Variants in GNB1L observed in about 807,000 individuals in gnomAD.
GNB1L encodes G protein subunit beta 1 like, also known as guanine nucleotide-binding protein subunit beta-like protein 1.
Under a neutral mutation model 29.1 loss-of-function variants are expected in GNB1L, and 20 were observed. That is an observed-to-expected ratio of 0.69 (90% confidence interval 0.48 to 1.00). The LOEUF is 1.00. GNB1L is among the 50% of genes least tolerant of loss of function. The pLI, the probability that GNB1L is intolerant of heterozygous loss-of-function variation, is 0.00. For synonymous variants in GNB1L, 193 were observed against 206.5 expected (o/e 0.93, Z 0.56); for missense variants, 421 against 464.9 (o/e 0.91, Z 0.87).
intron 2 of GNB1L, among the ~76,000 whole-genome samples, chr22:19,821,700 T>G (rs1355410765): frequency 2.6e-5 from 4 of 152,180 alleles, no homozygotes; most frequent in African/African-American, 9.7e-5. Flanking sequence ...GTGCACCCGC[T>G]TGGGCCCCAC....
At chr22:19,789,645 C>T (rs1435599776) in intron 7 of GNB1L, among the ~76,000 whole-genome samples, 2 of 152,080 alleles carry the variant, frequency 1.3e-5, no homozygotes, top group Non-Finnish European at 2.9e-5. Flanking sequence ...ACAGACAGGT[C>T]CTACGTGCAC....
intron 7 of GNB1L, among the ~76,000 whole-genome samples, chr22:19,796,012 A>G (rs1023073656): frequency 2.6e-5 from 4 of 152,240 alleles, no homozygotes; most frequent in African/African-American, 9.6e-5. Context: ...CTGGCTCCAT[A>G]AGAGATGTGT....
chr22:19,817,086 C>T (rs1003074054), intron 4 of GNB1L, among the ~76,000 whole-genome samples: 3 of 152,200 alleles, frequency 2.0e-5, no homozygotes, highest in Non-Finnish European at 2.9e-5. Context: ...AGAGGTCTCT[C>T]GGACCTCGGT....
chr22:19,812,487 A>G, intron 4 of GNB1L, 40 bp from the exon 5 acceptor site: 1 of 1,576,238 alleles, frequency 6.3e-7, no homozygotes, highest in East Asian at 2.3e-5. Flanking sequence ...ACTCCCCTTG[A>G]CAAGTGTCAG....
intron 2 of GNB1L, among the ~76,000 whole-genome samples, chr22:19,838,884 ATAAC>A (rs1285843107): frequency 3.3e-5 from 5 of 152,366 alleles, no homozygotes; most frequent in African/African-American, 1.2e-4. Context: ...TATAGTAGTT[ATAAC>A]TAACCACCCA....
At position 19,812,408 on chromosome 22, in the gene GNB1L, C is replaced by T. The variant is rs756144775; in HGVS notation, c.294G>A (p.Ala98=). 53 of 1,613,214 alleles carry T rather than the reference C, an allele frequency of 3.3e-5. No individual in the cohort carries two copies. Among genetic ancestry groups the T allele is most frequent in the Middle Eastern group, 1.6e-4 (1 of 6,084 alleles). Residue 98 remains alanine, a synonymous_variant, in exon 5 of 8, where the codon GCG becomes GCA. Transcript: ENST00000329517. ...RDLKLCLWDL[A]EGRSAVVDSV... is the part of the protein sequence containing the mutation. ...AGTCCACGACAGCGCTCCTGCCCTC[C>T]GCGAGGTCCCACAGGCACAGCTTCA...
chr22:19,820,564 G>T, intron 4 of GNB1L, 34 bp downstream of exon 4: 1 of 1,597,486 alleles, frequency 6.3e-7, no homozygotes, highest in Non-Finnish European at 8.5e-7. Context: ...CTCCCCCGAA[G>T]GCCATACCTG....
intron 2 of GNB1L, chr22:19,849,182 C>A (rs11705143): frequency 0.083 from 81,464 of 985,118 alleles, 4,520 homozygotes; most frequent in African/African-American, 0.25. Flanking sequence ...GCTACCAGGG[C>A]TATACCTGCT....
chr22:19,801,653 GTT>G (rs546357448), intron 7 of GNB1L, among the ~76,000 whole-genome samples: 17 of 137,654 alleles, frequency 1.2e-4, no homozygotes, highest in Admixed American at 2.2e-4. Flanking sequence ...TTCCACACTG[GTT>G]TTTTTTTTTT....
intron 7 of GNB1L, among the ~76,000 whole-genome samples, chr22:19,799,816 C>T (rs1297490149): frequency 6.6e-6 from 1 of 152,214 alleles, no homozygotes; most frequent in Non-Finnish European, 1.5e-5. Flanking sequence ...CGAAAGCGCC[C>T]CCACAGGCTT....
rs1937171959 is a variant in GNB1L at position 19,784,344 on chromosome 22, G to A, written c.*4365C>T. On this transcript the variant is annotated 3_prime_UTR_variant, in exon 8 of 8. Transcript: ENST00000329517. Reference sequence around the variant, plus strand: ...GGCGGGTCCTGGGCTGTGCTCCGGAGCCCTTCCCGGGATCATCTCCCGGCA... The same window carrying A: ...GGCGGGTCCTGGGCTGTGCTCCGGAACCCTTCCCGGGATCATCTCCCGGCA... 1.3e-5 allele frequency: 2 copies of A among 152,174 alleles called. No homozygotes were observed. The highest frequency in any genetic ancestry group is 1.3e-4 in the Admixed American group (2 of 15,286). 9.4% of individuals were successfully genotyped at this position (152,174 alleles called of 1,614,324 possible).
At chr22:19,846,483 C>G in intron 2 of GNB1L, 1 of 985,428 alleles carries the variant, frequency 1.0e-6, no homozygotes, top group Non-Finnish European at 1.2e-6. Context: ...GGACTCTGCA[C>G]ACAGGCATGT....
chr22:19,810,718 G>A (rs62222095), intron 5 of GNB1L, among the ~76,000 whole-genome samples: 1,678 of 152,310 alleles, frequency 0.011, 21 homozygotes, highest in South Asian at 0.028. Flanking sequence ...GTGGGAGTGC[G>A]GCTCCCTGGG....
intron 2 of GNB1L, among the ~76,000 whole-genome samples, chr22:19,824,293 A>G (rs1422545440): frequency 5.9e-5 from 9 of 152,278 alleles, no homozygotes; most frequent in Admixed American, 4.6e-4. Flanking sequence ...ATTGAGAATC[A>G]TCACATTCCC....
intron 7 of GNB1L, among the ~76,000 whole-genome samples, chr22:19,798,221 A>G (rs1937329645): frequency 6.6e-6 from 1 of 151,064 alleles, no homozygotes; most frequent in South Asian, 2.1e-4. Context: ...GGATGCTGGC[A>G]TGTACCTGTC....
rs1340674621 is a variant in GNB1L, at chr22:19,821,238, G to A, written c.118C>T (p.Leu40Phe). ...GCCACAGCTACTCACCCTGAGAAGA[G>A]GAGCGGGCGCCCCTGAGCCTGGGCT... ...EGAQAQGRPL[L>F]FSGSQSGLVH... Residue 40 changes from leucine (L) to phenylalanine (F), a missense_variant, in exon 3 of 8, where the codon CTC (leucine) becomes TTC (phenylalanine). Leu to Phe is a conservative substitution (Grantham distance 22). Coordinates refer to ENST00000329517, the MANE Select transcript of GNB1L (RefSeq NM_053004.3). The A allele has an allele frequency of 6.2e-7, 1 of 1,611,090 alleles. No individual in the cohort carries two copies. The highest frequency in any genetic ancestry group is 1.1e-5 in the South Asian group (1 of 90,948).
intron 7 of GNB1L, among the ~76,000 whole-genome samples, chr22:19,799,569 G>A (rs1172398517): frequency 6.6e-6 from 1 of 152,254 alleles, no homozygotes; most frequent in African/African-American, 2.4e-5. Flanking sequence ...GATTACCCAT[G>A]CTCTGCTCCA....
At chr22:19,824,440 C>T in intron 2 of GNB1L, among the ~76,000 whole-genome samples, 1 of 152,216 alleles carries the variant, frequency 6.6e-6, no homozygotes, top group East Asian at 1.9e-4. Flanking sequence ...AAACTTAATC[C>T]ACAGAGCACA....
At position 19,847,803 on chromosome 22, in the gene GNB1L, GCAAAAAAAA is replaced by G. The variant is rs1937997271; in HGVS notation, c.-21+6631_-21+6639del. 1.1e-5 allele frequency: 5 copies of G among 440,436 alleles called. No homozygotes were observed. In the African/African-American group the frequency reaches 1.3e-4, roughly 11 times the overall value. 27.3% of individuals were successfully genotyped at this position (440,436 alleles called of 1,614,324 possible). On this transcript the variant is annotated intron_variant, in intron 2 of 7. Transcript: ENST00000329517. ...AACTTTTAAAATCCTGGAATCATAG[GCAAAAAAAA>G]AAAAAAAAAAAAATTCACCCATATT...
Sources: gnomAD v4.1 joint callset for allele counts (sites outside exome capture counted in the v4.1 genomes callset) on GRCh38, gnomAD v4.1.1 for gene constraint, MANE v1.5 for transcripts, NCBI Gene and HGNC (gene_info 2026-07-23, HGNC 2026-07-21) for gene names.